MRTFA: variants seen among roughly 807,000 people sequenced by gnomAD.
MRTFA encodes myocardin-related transcription factor A.
Under a neutral mutation model 83.5 loss-of-function variants are expected in MRTFA, and 20 were observed. The observed-to-expected ratio is 0.24, with a 90% CI of 0.17 to 0.35. MRTFA has a LOEUF of 0.35. Among genes scored for constraint, MRTFA ranks in the 10% least tolerant of loss-of-function variants. MRTFA has a pLI of 1.00. For synonymous variants in MRTFA, 659 were observed against 541.2 expected, an observed-to-expected ratio of 1.22 and a Z score of -3.02; for missense variants, 1,200 against 1,224.7, an observed-to-expected ratio of 0.98 and a Z score of 0.30.
At chr22:40,563,303 T>C (rs1214038157) in intron 2 of MRTFA, among the ~76,000 whole-genome samples, 1 of 152,180 alleles carries the variant, frequency 6.6e-6, no homozygotes, top group Non-Finnish European at 1.5e-5. Flanking sequence ...TATCACTGCT[T>C]ACTTTTACTA....
intron 2 of MRTFA, chr22:40,569,716 A>C (rs1032283105): frequency 7.0e-6 from 1 of 142,242 alleles, no homozygotes; most frequent in Admixed American, 7.2e-5. Context: ...CTCCATAATT[A>C]ATACATACAT....
At chr22:40,523,779 C>A (rs115123810) in intron 3 of MRTFA, 2 of 152,122 alleles carry the variant, frequency 1.3e-5, no homozygotes, top group Non-Finnish European at 2.9e-5. Context: ...TAGAAGAATA[C>A]GGACATAGTA....
intron 2 of MRTFA, among the ~76,000 whole-genome samples, chr22:40,583,258 T>C (rs939537149): frequency 6.6e-6 from 1 of 152,038 alleles, no homozygotes; most frequent in Non-Finnish European, 1.5e-5. Flanking sequence ...AAAAACAAAA[T>C]GTGTAATAAT....
intron 4 of MRTFA, among the ~76,000 whole-genome samples, chr22:40,446,486 G>A (rs2053380597): frequency 6.6e-6 from 1 of 152,154 alleles, no homozygotes; most frequent in African/African-American, 2.4e-5. Context: ...CTCAAGGACA[G>A]GCATGAAGAG....
chr22:40,621,292 A>G (rs1331567982), intron 1 of MRTFA, among the ~76,000 whole-genome samples: 1 of 152,228 alleles, frequency 6.6e-6, no homozygotes, highest in African/African-American at 2.4e-5. Flanking sequence ...CCGTAAAAAG[A>G]AAGAAAATTC....
chr22:40,422,128 C>A (rs923171005), intron 9 of MRTFA, among the ~76,000 whole-genome samples: 1 of 151,244 alleles, frequency 6.6e-6, no homozygotes, highest in Non-Finnish European at 1.5e-5. Flanking sequence ...GGAAGAAGTA[C>A]AGGCAGAGGC....
At position 40,417,425 on chromosome 22, in the gene MRTFA, C is replaced by A. The variant is rs1316774864; in HGVS notation, c.2433G>T (p.Gln811His). ...GAGAAGTGGGGGTCCCAAAGAGGGG[C>A]TGCAGTGGGTGCTCCAGGTCCATCT... The change falls in exon 13 of 15, where the codon CAG (glutamine) becomes CAT (histidine). Residue 811 changes from glutamine to histidine, a missense_variant. Transcript: ENST00000355630. 1.9e-6 allele frequency: 3 copies of A among 1,609,178 alleles called. No individual in the cohort carries two copies. In the Admixed American group the frequency reaches 5.0e-5, roughly 27 times the overall value.
chr22:40,611,566 GGAGTTTA>G (rs775450772), intron 1 of MRTFA, among the ~76,000 whole-genome samples: 1 of 152,126 alleles, frequency 6.6e-6, no homozygotes, highest in Non-Finnish European at 1.5e-5. Context: ...GTTTCCCAAA[GGAGTTTA>G]GACTCATGCT....
At chr22:40,616,097 A>C (rs1345438471) in intron 1 of MRTFA, among the ~76,000 whole-genome samples, 3 of 152,246 alleles carry the variant, frequency 2.0e-5, no homozygotes, top group Non-Finnish European at 4.4e-5. Context: ...TTTTAAAATA[A>C]AGAAAATTCA....
intron 2 of MRTFA, chr22:40,587,951 G>A: frequency 2.7e-6 from 1 of 369,188 alleles, no homozygotes; most frequent in South Asian, 3.6e-5. Flanking sequence ...TTTGCCAGAT[G>A]ACTCCCCTTT....
At chr22:40,527,622 G>T (rs1302409652) in intron 3 of MRTFA, among the ~76,000 whole-genome samples, 2 of 151,810 alleles carry the variant, frequency 1.3e-5, no homozygotes, top group Admixed American at 1.3e-4. Context: ...AGCCGGGCAT[G>T]GTGGTGGGCG....
rs370416906 is a variant in MRTFA at position 40,418,903 on chromosome 22, G to A, written c.1835C>T (p.Pro612Leu). The change falls in exon 12 of 15, where the codon CCT becomes CTT. Residue 612 changes from proline to leucine, a missense_variant. Pro to Leu is a moderately conservative substitution (Grantham distance 98, BLOSUM62 -3). This residue lies in a region of MRTFA where 1,107 missense variants were observed against 1,041.8 expected (regional missense o/e 1.06). Coordinates refer to ENST00000355630, the MANE Select transcript of MRTFA (RefSeq NM_020831.6). ...CCCCTCTAGCTCCGCCCGCCCCCCA[G>A]GGCTCAGGCAACAGGACCCGGCCCG... The A allele has an allele frequency of 7.4e-6, 12 of 1,612,756 alleles. No individual in the cohort carries two copies. The highest frequency in any genetic ancestry group is 4.5e-5 in the East Asian group (2 of 44,862).
intron 3 of MRTFA, among the ~76,000 whole-genome samples, chr22:40,496,666 T>C (rs1027919603): frequency 1.4e-5 from 2 of 145,700 alleles, no homozygotes; most frequent in African/African-American, 5.2e-5. Flanking sequence ...CACATACATA[T>C]ACATGTTTCT....
chr22:40,577,858 A>G (rs2055890680), intron 2 of MRTFA, among the ~76,000 whole-genome samples: 1 of 151,840 alleles, frequency 6.6e-6, no homozygotes, highest in Admixed American at 6.6e-5. Context: ...CGCCAGCCTC[A>G]GCCTCCCAAA....
chr22:40,599,016 A>T (rs968308916), intron 1 of MRTFA, among the ~76,000 whole-genome samples: 1 of 141,592 alleles, frequency 7.1e-6, no homozygotes, highest in African/African-American at 2.6e-5. Context: ...AAAAAAAAAA[A>T]CCTGGGCGTG....
chr22:40,417,493 G>A lies in MRTFA; in HGVS notation c.2365C>T (p.Pro789Ser), dbSNP rs1259933096. The change falls in exon 13 of 15, where the codon CCC becomes TCC. Residue 789 changes from proline to serine, a missense_variant and splice_region_variant. By Grantham distance (74) the Pro-to-Ser change is moderately conservative. This residue lies in a region of MRTFA where 1,107 missense variants were observed against 1,041.8 expected (regional missense o/e 1.06). Transcript: ENST00000355630. The stretch of plus-strand genomic sequence containing the variant: ...GCTGGAGAGCCAGGCTGGGACGAGG[G>A]CTGGACAGGAGAGCAGGGAGAGGAC... The A allele has an allele frequency of 6.7e-7, 1 of 1,497,366 alleles. No individual in the cohort carries two copies. Among genetic ancestry groups the A allele is most frequent in the Non-Finnish European group, 9.0e-7 (1 of 1,111,408 alleles). The allele number at this position is 1,497,366 out of a possible 1,614,324, so 92.8% of individuals were successfully genotyped here.
At chr22:40,544,947 T>TA (rs1459252129) in intron 3 of MRTFA, among the ~76,000 whole-genome samples, 1 of 149,728 alleles carries the variant, frequency 6.7e-6, no homozygotes. Flanking sequence ...AATAAATAAA[T>TA]AAATAAAATA....
At chr22:40,518,328 G>A (rs1035359359) in intron 3 of MRTFA, among the ~76,000 whole-genome samples, 3 of 151,964 alleles carry the variant, frequency 2.0e-5, no homozygotes, top group Admixed American at 2.0e-4. Flanking sequence ...AACCTGTGGG[G>A]GTCTGCACTA....
intron 3 of MRTFA, among the ~76,000 whole-genome samples, chr22:40,477,212 T>C (rs1374967833): frequency 2.8e-5 from 4 of 143,770 alleles, no homozygotes; most frequent in African/African-American, 1.0e-4. Flanking sequence ...TAGCCGGGCA[T>C]GGTGGCGGGC....
Sources: gnomAD v4.1 joint callset for allele counts (sites outside exome capture counted in the v4.1 genomes callset) on GRCh38, gnomAD v4.1.1 for gene constraint, gnomAD v4.1.1 regional missense constraint, MANE v1.5 for transcripts, NCBI Gene and HGNC (gene_info 2026-07-23, HGNC 2026-07-21) for gene names.